The following PBRM1 variants were observed in gnomAD, a reference collection of about 807,000 sequenced individuals.
The protein encoded by PBRM1 is polybromo 1, also known as protein polybromo-1.
Under a neutral mutation model 194.5 loss-of-function variants are expected in PBRM1, and 27 were observed. The observed-to-expected ratio is 0.14, with a 90% CI of 0.10 to 0.19. PBRM1 has a LOEUF of 0.19. Ranked by LOEUF, PBRM1 falls within the 10% of genes least tolerant of loss-of-function variation. The pLI is 1.00. For synonymous variants in PBRM1, 655 were observed against 693.2 expected (o/e 0.94, Z 0.87); for missense variants, 1,466 against 2,077.2 (o/e 0.71, Z 5.72).
intron 24 of PBRM1, among the ~76,000 whole-genome samples, chr3:52,562,702 C>A (rs534054484): frequency 6.6e-6 from 1 of 152,062 alleles, no homozygotes; most frequent in African/African-American, 2.4e-5. Context: ...CATCACCATG[C>A]CTAATTTTTA....
At chr3:52,621,052 G>A (rs547388324) in intron 13 of PBRM1, among the ~76,000 whole-genome samples, 3 of 152,258 alleles carry the variant, frequency 2.0e-5, no homozygotes, top group South Asian at 2.1e-4. Context: ...TGGTATGTTT[G>A]CTTTATCTTT....
At chr3:52,574,559 A>G (rs927844287) in intron 22 of PBRM1, among the ~76,000 whole-genome samples, 6 of 152,340 alleles carry the variant, frequency 3.9e-5, no homozygotes, top group East Asian at 3.9e-4. Flanking sequence ...GCTTTGGCCA[A>G]TAAGGGTTTT....
At chr3:52,577,829 A>G (rs980866875) in intron 21 of PBRM1, among the ~76,000 whole-genome samples, 2 of 152,154 alleles carry the variant, frequency 1.3e-5, no homozygotes, top group African/African-American at 4.8e-5. Context: ...TATTCTCAAC[A>G]ACCAATAGGC....
chr3:52,615,420 T>C, exon 15 of PBRM1: 1 of 1,609,258 alleles, frequency 6.2e-7, no homozygotes, highest in Non-Finnish European at 8.5e-7. Context: ...CTTTTCTCCT[T>C]GAGTAACTTC....
intron 26 of PBRM1, among the ~76,000 whole-genome samples, chr3:52,556,156 A>G (rs2082177488): frequency 6.6e-6 from 1 of 152,218 alleles, no homozygotes. Flanking sequence ...GATTTCAAAC[A>G]TATTTATTTA....
chr3:52,574,505 T>C (rs190402250), intron 22 of PBRM1, among the ~76,000 whole-genome samples: 6 of 152,206 alleles, frequency 3.9e-5, no homozygotes, highest in Non-Finnish European at 2.9e-5. Flanking sequence ...GGACCAACAG[T>C]AGATATGACA....
At chr3:52,576,475 C>T in intron 22 of PBRM1, 66 bp downstream of exon 24, 1 of 1,275,946 alleles carries the variant, frequency 7.8e-7, no homozygotes, top group Non-Finnish European at 1.1e-6. Context: ...CAGTGCCCCA[C>T]AGAAGTAGTA....
chr3:52,599,671 G>C (rs4687635), intron 17 of PBRM1, among the ~76,000 whole-genome samples: 1 of 135,058 alleles, frequency 7.4e-6, no homozygotes, highest in South Asian at 2.3e-4. Context: ...AAAAAAAAAA[G>C]AAAAAAATTA....
intron 17 of PBRM1, among the ~76,000 whole-genome samples, chr3:52,599,588 G>T (rs1335320720): frequency 6.6e-6 from 1 of 151,064 alleles, no homozygotes; most frequent in East Asian, 1.9e-4. Context: ...GAGGCGGGCG[G>T]ATCATGAGGT....
chr3:52,579,493 G>A (rs1163079215), intron 20 of PBRM1, among the ~76,000 whole-genome samples: 1 of 152,102 alleles, frequency 6.6e-6, no homozygotes, highest in Non-Finnish European at 1.5e-5. Context: ...GCTACTCAAA[G>A]AGACTGAGGT....
At chr3:52,550,889 G>T in intron 27 of PBRM1, 72 bp from the exon 30 acceptor site, 1 of 967,652 alleles carries the variant, frequency 1.0e-6, no homozygotes, top group South Asian at 1.4e-5. Flanking sequence ...TGTCTGATAA[G>T]AAATGATGCC....
intron 25 of PBRM1, 105 bp from the exon 28 acceptor site, chr3:52,558,518 C>G: frequency 2.0e-6 from 2 of 994,698 alleles, no homozygotes; most frequent in Non-Finnish European, 2.8e-6. Context: ...ACAGTTCTGT[C>G]TCAATGGAAG....
chr3:52,628,769 G>C, intron 12 of PBRM1, 125 bp downstream of exon 13: 1 of 879,382 alleles, frequency 1.1e-6, no homozygotes, highest in Non-Finnish European at 1.8e-6. Flanking sequence ...ACCGCACCCA[G>C]CCAAATGATG....
At chr3:52,665,151 ATATTAT>A (rs948245961) in intron 3 of PBRM1, among the ~76,000 whole-genome samples, 1 of 151,926 alleles carries the variant, frequency 6.6e-6, no homozygotes, top group African/African-American at 2.4e-5. Context: ...CCACAAATCA[ATATTAT>A]TATTATTATT....
chr3:52,648,484 G>T, intron 6 of PBRM1, 42 bp from the exon 8 acceptor site: 1 of 1,041,218 alleles, frequency 9.6e-7, no homozygotes, highest in Non-Finnish European at 1.5e-6. Context: ...TTTAATGAGA[G>T]TTCATCAGTA....
exon 4 of PBRM1, chr3:52,662,173 T>C (rs763287444): frequency 2.5e-6 from 4 of 1,614,138 alleles, no homozygotes; most frequent in Admixed American, 3.3e-5. Context: ...CCCATCTTCA[T>C]CATCATCTTC....
upstream of PBRM1, among the ~76,000 whole-genome samples, chr3:52,684,415 C>G (rs2097274245): frequency 6.6e-6 from 1 of 152,060 alleles, no homozygotes. Context: ...CGTTTATGAA[C>G]TTTAGCCCTC....
chr3:52,651,061 A>C (rs1193517572), intron 6 of PBRM1, among the ~76,000 whole-genome samples: 2 of 152,310 alleles, frequency 1.3e-5, no homozygotes, highest in Non-Finnish European at 2.9e-5. Flanking sequence ...CAAGTTACTT[A>C]ACACTTCTGT....
At chr3:52,567,404 G>A (rs1258790845) in intron 22 of PBRM1, among the ~76,000 whole-genome samples, 1 of 151,996 alleles carries the variant, frequency 6.6e-6, no homozygotes, top group African/African-American at 2.4e-5. Flanking sequence ...TAAAGGGTAT[G>A]TATACACTTT....
Sources: gnomAD v4.1 joint callset for allele counts (sites outside exome capture counted in the v4.1 genomes callset) on GRCh38, gnomAD v4.1.1 for gene constraint, MANE v1.5 for transcripts, NCBI Gene and HGNC (gene_info 2026-07-23, HGNC 2026-07-21) for gene names.